Variants in SEMA4F observed in about 807,000 individuals in gnomAD.
The protein encoded by SEMA4F is ssemaphorin 4F.
In SEMA4F, 51 loss-of-function variants were observed where a neutral mutation model predicts 78.4. The ratio of observed to expected loss-of-function variants is 0.65; its 90% CI spans 0.52 to 0.82. The LOEUF is 0.82. SEMA4F is among the 40% of genes least tolerant of loss of function. The pLI is 0.00. For missense variants in SEMA4F, 938 were observed against 1,014.4 expected, an observed-to-expected ratio of 0.92 and a Z score of 1.02; for synonymous variants, 418 against 408.7, an observed-to-expected ratio of 1.02 and a Z score of -0.27.
chr2:74,677,257 G>A (rs755957897), intron 12 of SEMA4F, among the ~76,000 whole-genome samples: 1 of 152,170 alleles, frequency 6.6e-6, no homozygotes, highest in Non-Finnish European at 1.5e-5. Context: ...CAAAAGTAGA[G>A]AGAATTGTAT....
rs183645100 is a variant in SEMA4F at position 74,675,222 on chromosome 2, G to A, written c.1210G>A (p.Val404Ile). 62 of 1,614,150 alleles carry A rather than the reference G, an allele frequency of 3.8e-5. No individual in the cohort carries two copies. Among genetic ancestry groups the A allele is most frequent in the East Asian group, 3.1e-4 (14 of 44,884 alleles). ...FGSSLSLPDR[V>I]LTFIRDHPLM... ...CTCATCTCTCTCCCTGCCTGACCGCGTACTCACCTTCATCCGGGACCACCC... is the reference window on the plus strand; with the variant it reads ...CTCATCTCTCTCCCTGCCTGACCGCATACTCACCTTCATCCGGGACCACCC... The change falls in exon 10 of 14, where the codon GTA becomes ATA. Residue 404 changes from valine (V) to isoleucine (I), a missense_variant. Val to Ile is a conservative substitution (Grantham distance 29, BLOSUM62 3). Coordinates refer to ENST00000357877, the MANE Select transcript of SEMA4F (RefSeq NM_004263.5).
At chr2:74,696,636 G>A in the SEMA4F span, among the ~76,000 whole-genome samples, 1 of 152,080 alleles carries the variant, frequency 6.6e-6, no homozygotes, top group East Asian at 1.9e-4. Context: ...GGTGATGGGT[G>A]CACCAAAATC....
the SEMA4F span, among the ~76,000 whole-genome samples, chr2:74,705,963 C>G: frequency 2.0e-5 from 3 of 150,672 alleles, no homozygotes; most frequent in Non-Finnish European, 4.4e-5. Context: ...ATTTTCTTTT[C>G]TTTTTTTTTG....
At position 74,667,414 on chromosome 2, in the gene SEMA4F, C is replaced by T. The variant is rs564665467; in HGVS notation, c.550+4589C>T. Among the ~76,000 whole-genome samples, 7 of 152,310 alleles carry T rather than the reference C, an allele frequency of 4.6e-5. No homozygotes were observed. In the South Asian group the frequency reaches 1.4e-3, roughly 32 times the overall value. ...TAGTCCTACCAGCAATGGCTACCAG[C>T]AGTGGCTAAAGGGCCTGTCCCATTG... On this transcript the variant is annotated intron_variant, in intron 5 of 13. Coordinates refer to ENST00000357877, the MANE Select transcript of SEMA4F (RefSeq NM_004263.5).
chr2:74,700,134 G>A, the SEMA4F span, among the ~76,000 whole-genome samples: 1 of 151,810 alleles, frequency 6.6e-6, no homozygotes, highest in Non-Finnish European at 1.5e-5. Context: ...AAGGACAGTG[G>A]AGGGAATTAT....
At chr2:74,687,075 A>G (rs1685839298), downstream of SEMA4F, among the ~76,000 whole-genome samples, 1 of 152,234 alleles carries the variant, frequency 6.6e-6, no homozygotes, top group African/African-American at 2.4e-5. Flanking sequence ...AATTAGAATG[A>G]AATCCAAATC....
intron 12 of SEMA4F, among the ~76,000 whole-genome samples, chr2:74,678,188 C>G (rs1685396079): frequency 6.6e-6 from 1 of 152,144 alleles, no homozygotes; most frequent in Non-Finnish European, 1.5e-5. Context: ...TAAGAATTCA[C>G]TGGTCTTAGA....
downstream of SEMA4F, among the ~76,000 whole-genome samples, chr2:74,686,566 G>T (rs1278732904): frequency 6.6e-6 from 1 of 152,194 alleles, no homozygotes; most frequent in Non-Finnish European, 1.5e-5. Flanking sequence ...CTACTATAAA[G>T]ACACGTGCAC....
Position 74,675,220 on chromosome 2 carries a change from G to T in SEMA4F, c.1208G>T (p.Arg403Leu), listed in dbSNP as rs139378944. 1.9e-6 allele frequency: 3 copies of T among 1,614,098 alleles called. No homozygotes were observed. The highest frequency in any genetic ancestry group is 2.5e-6 in the Non-Finnish European group (3 of 1,180,014). The change falls in exon 10 of 14, where the codon CGC becomes CTC. Residue 403 changes from arginine (R) to leucine (L), a missense_variant. Transcript: ENST00000357877. ...GGCTCATCTCTCTCCCTGCCTGACC[G>T]CGTACTCACCTTCATCCGGGACCAC... ...HFGSSLSLPDRVLTFIRDHPL... is the reference protein window; with the variant it reads ...HFGSSLSLPDLVLTFIRDHPL...
intron 5 of SEMA4F, 72 bp from the exon 6 acceptor site, chr2:74,673,385 A>G (rs1685085323): frequency 1.3e-6 from 2 of 1,588,586 alleles, no homozygotes; most frequent in Non-Finnish European, 1.7e-6. Context: ...TTTATGCCCT[A>G]CTCTGCCTGT....
rs1459008590 is a variant in SEMA4F at position 74,679,927 on chromosome 2, C to T, written c.2031C>T (p.Leu677=). 6.2e-7 allele frequency: 1 copy of T among 1,614,234 alleles called. No individual in the cohort carries two copies. Among genetic ancestry groups the T allele is most frequent in the Non-Finnish European group, 8.5e-7 (1 of 1,180,046 alleles). ...GGATTCTCGCAGCATCCCTGACTCTCATTCTGATTGGTCGGCGTCAGCAGC... is the reference window on the plus strand; with the variant it reads ...GGATTCTCGCAGCATCCCTGACTCTTATTCTGATTGGTCGGCGTCAGCAGC... The part of the protein sequence containing the change: ...FLGILAASLT[L]ILIGRRQQRR... Residue 677 remains leucine, a synonymous_variant, in exon 14 of 14, where the codon CTC becomes CTT. Coordinates refer to ENST00000357877, the MANE Select transcript of SEMA4F (RefSeq NM_004263.5).
At chr2:74,665,969 G>T (rs1301075426) in intron 5 of SEMA4F, among the ~76,000 whole-genome samples, 1 of 150,978 alleles carries the variant, frequency 6.6e-6, no homozygotes, top group Non-Finnish European at 1.5e-5. Flanking sequence ...ATGCAGTGGC[G>T]CCATCTCGGC....
At chr2:74,686,421 G>C (rs916208696), downstream of SEMA4F, among the ~76,000 whole-genome samples, 2 of 152,176 alleles carry the variant, frequency 1.3e-5, no homozygotes, top group African/African-American at 4.8e-5. Context: ...CACTTTTACA[G>C]TGTTAGTGGT....
chr2:74,657,565 A>G lies in SEMA4F; in HGVS notation c.298A>G (p.Ile100Val). 1 of 1,614,064 alleles carries G rather than the reference A, an allele frequency of 6.2e-7. No individual in the cohort carries two copies. The highest frequency in any genetic ancestry group is 8.5e-7 in the Non-Finnish European group (1 of 1,179,938). Reference protein sequence around the residue: ...LPFSGERPRRIDWMVPEAHRQ... With the variant: ...LPFSGERPRRVDWMVPEAHRQ... ...GAAATGATCACTTCTCCTTTCTCAG[A>G]TTGACTGGATGGTTCCTGAGGCTCA... The change falls in exon 3 of 14, where the codon ATT (isoleucine) becomes GTT (valine). Residue 100 changes from isoleucine to valine, a missense_variant and splice_region_variant. Transcript: ENST00000357877.
At chr2:74,674,830 G>A in intron 8 of SEMA4F, 58 bp from the exon 9 acceptor site, 8 of 1,586,904 alleles carry the variant, frequency 5.0e-6, no homozygotes, top group Non-Finnish European at 6.9e-6. Flanking sequence ...TTTGACAAGG[G>A]ATGAGTTGCT....
At chr2:74,701,038 A>G in the SEMA4F span, among the ~76,000 whole-genome samples, 1 of 152,032 alleles carries the variant, frequency 6.6e-6, no homozygotes. Flanking sequence ...AGCCCCTGAT[A>G]TTTGGGGATC....
In SEMA4F at chr2:74,679,326, A is replaced by G; in HGVS notation, c.1694A>G (p.Glu565Gly). The change falls in exon 13 of 14, where the codon GAG becomes GGG. Residue 565 changes from glutamate to glycine, a missense_variant. Physicochemically the swap from Glu to Gly is moderately conservative, Grantham distance 98. Transcript: ENST00000357877. ...SADVSSLCPK[E>G]PGERPVVFEV... ...GATGTCTCCTCTTTGTGTCCTAAAGAGCCTGGAGGTCTGTATGGTCTGTAT... is the reference window on the plus strand; with the variant it reads ...GATGTCTCCTCTTTGTGTCCTAAAGGGCCTGGAGGTCTGTATGGTCTGTAT... 6.2e-7 allele frequency: 1 copy of G among 1,612,698 alleles called. No homozygotes were observed. The highest frequency in any genetic ancestry group is 8.5e-7 in the Non-Finnish European group (1 of 1,178,692).
At chr2:74,656,880 CTG>C (rs1684176843) in intron 2 of SEMA4F, among the ~76,000 whole-genome samples, 195 bp downstream of exon 2, 1 of 151,606 alleles carries the variant, frequency 6.6e-6, no homozygotes, top group Non-Finnish European at 1.5e-5. Flanking sequence ...GTCAGGGTGA[CTG>C]GGGAGGATAT....
chr2:74,700,179 C>T, the SEMA4F span, among the ~76,000 whole-genome samples: 1 of 151,972 alleles, frequency 6.6e-6, no homozygotes, highest in Non-Finnish European at 1.5e-5. Context: ...AGATAATTCA[C>T]AGAGGGGGAG....
Sources: allele counts gnomAD v4.1 joint callset (sites outside exome capture counted in the v4.1 genomes callset), GRCh38; gene constraint gnomAD v4.1.1; transcripts MANE v1.5; gene names NCBI Gene and HGNC (gene_info 2026-07-23, HGNC 2026-07-21).